MX1: variants seen among roughly 807,000 people sequenced by gnomAD.
The protein encoded by MX1 is interferon-induced GTP-binding protein Mx1.
MX1 carries 66 observed loss-of-function variants against 66.4 expected under a neutral mutation model. The ratio of observed to expected loss-of-function variants is 0.99; its 90% CI spans 0.82 to 1.22. MX1 has a LOEUF of 1.22. MX1 is among the 50% of genes most tolerant of loss of function. MX1 has a pLI of 0.00. For missense variants in MX1, 787 were observed against 834.3 expected (o/e 0.94, Z 0.70); for synonymous variants, 311 against 318.1 (o/e 0.98, Z 0.24).
Position 41,443,125 on chromosome 21 carries a change from A to C in MX1, c.930-663A>C, listed in dbSNP as rs1483684958. Among the ~76,000 whole-genome samples the C allele has an allele frequency of 3.3e-5, 5 of 152,100 alleles. No homozygotes were observed. In the South Asian group the frequency reaches 6.2e-4, roughly 19 times the overall value. ...GTCAATTTTATATGTAGTTTACCAC[A>C]ATTTAGAAAAATTGACAGAGAAACT... On this transcript the variant is annotated intron_variant, in intron 10 of 16. Transcript: ENST00000398598.
intron 16 of MX1, among the ~76,000 whole-genome samples, chr21:41,456,909 G>A (rs1028300609): frequency 6.6e-5 from 10 of 152,020 alleles, no homozygotes; most frequent in Non-Finnish European, 1.3e-4. Context: ...CTACAGGCAC[G>A]TGCCACCACA....
intron 14 of MX1, among the ~76,000 whole-genome samples, chr21:41,450,269 A>C (rs1212156512): frequency 6.6e-6 from 1 of 152,140 alleles, no homozygotes; most frequent in East Asian, 1.9e-4. Flanking sequence ...GTAGGAAACT[A>C]GATCCTACTG....
chr21:41,440,395 G>A (rs2090473676), intron 8 of MX1, among the ~76,000 whole-genome samples: 2 of 152,046 alleles, frequency 1.3e-5, no homozygotes, highest in South Asian at 4.2e-4. Context: ...GCTACTAGGA[G>A]GATTGCTTGA....
chr21:41,458,699 A>ACACC lies in MX1; in HGVS notation c.1930_1931insCACC (p.Lys644ThrfsTer29). On this transcript the variant is annotated frameshift_variant, in exon 17 of 17. Coordinates refer to ENST00000398598, the MANE Select transcript of MX1 (RefSeq NM_002462.5). LOFTEE classifies it low-confidence loss of function (END_TRUNC). ...CACCAGCGACAAGCGGAAGTTCCTGAAGGAGCGGCTTGCACGGCTGACGCA... is the reference window on the plus strand; with the variant it reads ...CACCAGCGACAAGCGGAAGTTCCTGACACCAGGAGCGGCTTGCACGGCTGACGCA... 6.2e-7 allele frequency: 1 copy of ACACC among 1,614,142 alleles called. No homozygotes were observed. Among genetic ancestry groups the ACACC allele is most frequent in the East Asian group, 2.2e-5 (1 of 44,868 alleles).
chr21:41,441,829 G>C lies in MX1; in HGVS notation c.844G>C (p.Gly282Arg), dbSNP rs1197130111. The C allele has an allele frequency of 1.2e-6, 2 of 1,614,038 alleles. No homozygotes were observed. The highest frequency in any genetic ancestry group is 2.7e-5 in the African/African-American group (2 of 74,894). ...KKGYMIVKCR[G>R]QQEIQDQLSL... The stretch of plus-strand genomic sequence containing the variant: ...GGGTTACATGATTGTCAAGTGCCGG[G>C]GCCAGCAGGAGATCCAGGACCAGCT... The change falls in exon 10 of 17, where the codon GGC becomes CGC. Residue 282 changes from glycine (G) to arginine (R), a missense_variant. Gly to Arg is a moderately radical substitution (Grantham distance 125). Coordinates refer to ENST00000398598, the MANE Select transcript of MX1 (RefSeq NM_002462.5). The surrounding 1 kb of genome is among the most constrained non-coding windows in gnomAD (Gnocchi z 4.0).
chr21:41,437,206 T>C, intron 7 of MX1, 54 bp downstream of exon 7: 1 of 1,596,266 alleles, frequency 6.3e-7, no homozygotes, highest in African/African-American at 1.3e-5. Context: ...GCATGGGGTC[T>C]GTTTGTAACT....
At chr21:41,449,376 A>C in intron 14 of MX1, 81 bp downstream of exon 14, 11 of 1,461,008 alleles carry the variant, frequency 7.5e-6, no homozygotes, top group Non-Finnish European at 1.0e-5. Context: ...AAACTTCAGC[A>C]CTTTCCTCCT....
chr21:41,422,271 T>C (rs1245235946), upstream of MX1, among the ~76,000 whole-genome samples: 1 of 152,236 alleles, frequency 6.6e-6, no homozygotes, highest in African/African-American at 2.4e-5. Flanking sequence ...CACCAGCGCA[T>C]GACAGTTTAC....
Position 41,439,810 on chromosome 21 carries a change from G to A in MX1, c.553G>A (p.Val185Met), listed in dbSNP as rs751627642. The change falls in exon 8 of 17, where the codon GTG becomes ATG. Residue 185 changes from valine to methionine, a missense_variant. By Grantham distance (21) the Val-to-Met change is conservative. Transcript: ENST00000398598. ...TLIDLPGITR[V>M]AVGNQPADIG... Reference sequence around the variant, plus strand: ...AATAGACCTTCCTGGCATAACCAGAGTGGCTGTGGGCAATCAGCCTGCTGA... The same window carrying A: ...AATAGACCTTCCTGGCATAACCAGAATGGCTGTGGGCAATCAGCCTGCTGA... The A allele has an allele frequency of 1.2e-6, 2 of 1,613,846 alleles. No individual in the cohort carries two copies. Among genetic ancestry groups the A allele is most frequent in the Non-Finnish European group, 8.5e-7 (1 of 1,180,016 alleles).
At position 41,458,560 on chromosome 21, in the gene MX1, T is replaced by G; in HGVS notation, c.1791T>G (p.Pro597=). ...GCAAGCGCATCTCCAGCCACATCCC[T>G]TTGATCATCCAGTTCTTCATGCTCC... The part of the protein sequence containing the change: ...EASKRISSHI[P]LIIQFFMLQT... The change falls in exon 17 of 17, where the codon CCT becomes CCG. Residue 597 remains proline, a synonymous_variant. Transcript: ENST00000398598. 6.2e-7 allele frequency: 1 copy of G among 1,608,850 alleles called. No homozygotes were observed. The highest frequency in any genetic ancestry group is 1.3e-5 in the African/African-American group (1 of 74,546).
At chr21:41,456,058 A>G (rs1387701420) in intron 16 of MX1, among the ~76,000 whole-genome samples, 1 of 152,208 alleles carries the variant, frequency 6.6e-6, no homozygotes, top group Non-Finnish European at 1.5e-5. Context: ...CCTGGCCAAC[A>G]TGGCGAAACC....
At chr21:41,457,051 C>T (rs1220119804) in intron 16 of MX1, among the ~76,000 whole-genome samples, 2 of 152,194 alleles carry the variant, frequency 1.3e-5, no homozygotes, top group South Asian at 2.1e-4. Flanking sequence ...TGAGCCACCA[C>T]GCCCGGCCTT....
chr21:41,421,044 T>C (rs1402619911), intron 1 of MX1, among the ~76,000 whole-genome samples: 1 of 152,244 alleles, frequency 6.6e-6, no homozygotes, highest in Non-Finnish European at 1.5e-5. Flanking sequence ...TAGTATTTAT[T>C]GATCATTTGT....
intron 10 of MX1, among the ~76,000 whole-genome samples, 164 bp downstream of exon 10, chr21:41,442,078 C>T (rs895832574): frequency 6.6e-5 from 10 of 150,388 alleles, no homozygotes; most frequent in African/African-American, 2.5e-4. Context: ...CCAACAAGGA[C>T]TATGGAATTC....
Position 41,458,565 on chromosome 21 carries a change from T to A in MX1, c.1796T>A (p.Ile599Asn). 1 of 1,610,684 alleles carries A rather than the reference T, an allele frequency of 6.2e-7. No homozygotes were observed. The highest frequency in any genetic ancestry group is 1.1e-5 in the South Asian group (1 of 90,726). ...CGCATCTCCAGCCACATCCCTTTGA[T>A]CATCCAGTTCTTCATGCTCCAGACG... Reference protein sequence around the residue: ...SKRISSHIPLIIQFFMLQTYG... With the variant: ...SKRISSHIPLNIQFFMLQTYG... Residue 599 changes from isoleucine to asparagine, a missense_variant, in exon 17 of 17, where the codon ATC becomes AAC. Coordinates refer to ENST00000398598, the MANE Select transcript of MX1 (RefSeq NM_002462.5).
chr21:41,432,933 C>G (rs1046434098), intron 5 of MX1, among the ~76,000 whole-genome samples: 5 of 152,206 alleles, frequency 3.3e-5, no homozygotes, highest in African/African-American at 1.2e-4. Flanking sequence ...TTCCACCACC[C>G]TGATACCACC....
At chr21:41,422,848 C>T (rs2090006941), upstream of MX1, 1 of 152,182 alleles carries the variant, frequency 6.6e-6, no homozygotes, top group Non-Finnish European at 1.5e-5. Flanking sequence ...GCTCCTTAGG[C>T]CTCGGTCTTC....
chr21:41,436,012 C>T lies in MX1; in HGVS notation c.281C>T (p.Ala94Val), dbSNP rs1233358823. ...SSVLEALSGV[A>V]LPRGSGIVTR... ...GTGTTGGAGGCACTGTCAGGAGTTG[C>T]CCTTCCCAGAGGCAGCGGTAAGAAC... Residue 94 changes from alanine to valine, a missense_variant, in exon 6 of 17, where the codon GCC becomes GTC. By Grantham distance (64) the Ala-to-Val change is moderately conservative. Transcript: ENST00000398598. 2.5e-6 allele frequency: 4 copies of T among 1,614,122 alleles called. No homozygotes were observed. The highest frequency in any genetic ancestry group is 3.4e-6 in the Non-Finnish European group (4 of 1,179,972).
chr21:41,441,118 A>AATGGGGGAGCCCGCCTGTGCTCGGTGAGC lies in MX1; in HGVS notation c.730+121_730+122insCATGGGGGAGCCCGCCTGTGCTCGGTGAG. The AATGGGGGAGCCCGCCTGTGCTCGGTGAGC allele has an allele frequency of 8.6e-7, 1 of 1,169,222 alleles. No individual in the cohort carries two copies. 72.4% of individuals were successfully genotyped at this position (1,169,222 alleles called of 1,614,324 possible). A position where few individuals can be genotyped will look rare whatever the true frequency, so the allele number is the denominator to read the frequency against. Reference sequence around the variant, plus strand: ...GGGGAGCCCACCTGTGCTCGGTGAGAATGGGGGAGCCCGCCTGTGCTCGGT... The same window carrying AATGGGGGAGCCCGCCTGTGCTCGGTGAGC: ...GGGGAGCCCACCTGTGCTCGGTGAGAATGGGGGAGCCCGCCTGTGCTCGGTGAGCATGGGGGAGCCCGCCTGTGCTCGGT... On this transcript the variant is annotated intron_variant, in intron 9 of 16. Transcript: ENST00000398598. This position sits in a 1 kb window ranked among gnomAD's most constrained non-coding sequence, Gnocchi z 4.0.
Sources: gnomAD v4.1 joint callset for allele counts (sites outside exome capture counted in the v4.1 genomes callset) on GRCh38, gnomAD v4.1.1 for gene constraint, Gnocchi (gnomAD v3.1) non-coding constraint, MANE v1.5 for transcripts, NCBI Gene and HGNC (gene_info 2026-07-23, HGNC 2026-07-21) for gene names.